ABCG2: variants seen among roughly 807,000 people sequenced by gnomAD.
ABCG2 encodes ATP binding cassette subfamily G member 2 (JR blood group), also known as broad substrate specificity ATP-binding cassette transporter ABCG2.
Under a neutral mutation model 73.5 loss-of-function variants are expected in ABCG2, and 80 were observed. The ratio of observed to expected loss-of-function variants is 1.09; its 90% CI spans 0.91 to 1.31. The LOEUF is 1.31. ABCG2 is among the 50% of genes most tolerant of loss of function. The pLI, the probability that ABCG2 is intolerant of heterozygous loss-of-function variation, is 0.00. For missense variants in ABCG2, 796 were observed against 786.2 expected (o/e 1.01, Z -0.15); for synonymous variants, 269 against 282.4 (o/e 0.95, Z 0.48).
intron 1 of ABCG2, among the ~76,000 whole-genome samples, chr4:88,151,718 G>A (rs918783054): frequency 4.1e-5 from 6 of 148,062 alleles, no homozygotes; most frequent in Admixed American, 6.8e-5. Flanking sequence ...CAGCCTGGGC[G>A]ACAGAGTGAG....
intron 10 of ABCG2, among the ~76,000 whole-genome samples, chr4:88,102,455 G>T (rs189925570): frequency 6.6e-6 from 1 of 152,044 alleles, no homozygotes; most frequent in East Asian, 1.9e-4. Flanking sequence ...AATTAGCTGG[G>T]CGTGGTGGCA....
intron 5 of ABCG2, among the ~76,000 whole-genome samples, chr4:88,128,267 AAAC>A (rs1724577662): frequency 6.6e-6 from 1 of 152,226 alleles, no homozygotes; most frequent in Non-Finnish European, 1.5e-5. Context: ...AAAAGTCAGG[AAAC>A]AACAGATGCT....
chr4:88,165,933 C>T (rs1202724764), intron 1 of ABCG2, among the ~76,000 whole-genome samples: 3 of 152,006 alleles, frequency 2.0e-5, no homozygotes, highest in African/African-American at 7.2e-5. Flanking sequence ...CATCTGGAAC[C>T]TTAATTCTCC....
intron 1 of ABCG2, 26 bp from the exon 2 acceptor site, chr4:88,140,040 T>C (rs1725522480): frequency 7.6e-6 from 12 of 1,580,464 alleles, no homozygotes; most frequent in Non-Finnish European, 1.0e-5. Flanking sequence ...CAATAGTAAG[T>C]TGATAGTCCA....
chr4:88,101,238 C>T lies in ABCG2; in HGVS notation c.1359G>A (p.Lys453=), dbSNP rs763655147. 7 of 1,613,998 alleles carry T rather than the reference C, an allele frequency of 4.3e-6. No individual in the cohort carries two copies. The highest frequency in any genetic ancestry group is 4.2e-6 in the Non-Finnish European group (5 of 1,180,006). ...AACAAAGACCTACTCACATGAAGAGCTTCTTCTCTACCACAAAGAGTTCCA... is the reference window on the plus strand; with the variant it reads ...AACAAAGACCTACTCACATGAAGAGTTTCTTCTCTACCACAAAGAGTTCCA... ...SAVELFVVEK[K]LFIHEYISGY... Residue 453 remains lysine (K), a synonymous_variant, in exon 11 of 16, where the codon AAG becomes AAA. Coordinates refer to ENST00000237612, the MANE Select transcript of ABCG2 (RefSeq NM_004827.3).
intron 1 of ABCG2, among the ~76,000 whole-genome samples, chr4:88,166,592 G>A (rs540281537): frequency 3.2e-4 from 49 of 152,238 alleles, no homozygotes; most frequent in African/African-American, 8.2e-4. Context: ...CATAGAGCTC[G>A]CACAGCAACA....
intron 1 of ABCG2, among the ~76,000 whole-genome samples, chr4:88,218,751 A>C (rs1018469482): frequency 6.6e-6 from 1 of 152,194 alleles, no homozygotes; most frequent in African/African-American, 2.4e-5. Flanking sequence ...CCCAATAAAC[A>C]TTTCTTGATT....
rs553715520 is a variant in ABCG2 at position 88,180,598 on chromosome 4, T to G, written c.-19-40584A>C. Among the ~76,000 whole-genome samples, 3 of 152,162 alleles carry G rather than the reference T, an allele frequency of 2.0e-5. No individual in the cohort carries two copies. The South Asian group carries it at 6.2e-4, about 32-fold the overall frequency. ...AAAAAAAATTTTAAATTTTTAAATT[T>G]TTTTATGGAAATGGTGGTGTGCACC... On this transcript the variant is annotated intron_variant, in intron 1 of 15. Transcript: ENST00000515655.
At chr4:88,128,222 A>G (rs1419124543) in intron 5 of ABCG2, among the ~76,000 whole-genome samples, 1 of 152,234 alleles carries the variant, frequency 6.6e-6, no homozygotes, top group Non-Finnish European at 1.5e-5. Flanking sequence ...CCACAATAAG[A>G]TACCATCTCA....
At chr4:88,128,992 C>T (rs893578073) in intron 5 of ABCG2, among the ~76,000 whole-genome samples, 8 of 152,136 alleles carry the variant, frequency 5.3e-5, no homozygotes, top group South Asian at 2.1e-4. Context: ...GTTTGAAGTT[C>T]AGAACACTAA....
intron 3 of ABCG2, among the ~76,000 whole-genome samples, chr4:88,132,248 T>C (rs1237780015): frequency 6.6e-6 from 1 of 152,184 alleles, no homozygotes; most frequent in African/African-American, 2.4e-5. Context: ...TGCTCTTTTA[T>C]CTAAGACTCA....
At chr4:88,212,832 G>A (rs1044732164) in intron 1 of ABCG2, among the ~76,000 whole-genome samples, 2 of 152,154 alleles carry the variant, frequency 1.3e-5, no homozygotes, top group Non-Finnish European at 2.9e-5. Flanking sequence ...CTCTGTGCCT[G>A]TACCCCTGCA....
intron 4 of ABCG2, among the ~76,000 whole-genome samples, chr4:88,131,554 G>C (rs1322822009): frequency 2.0e-5 from 3 of 152,202 alleles, no homozygotes. Context: ...AAGGATAACA[G>C]TAGTATGTAT....
At chr4:88,119,756 A>C (rs749193431) in intron 6 of ABCG2, among the ~76,000 whole-genome samples, 1 of 152,240 alleles carries the variant, frequency 6.6e-6, no homozygotes, top group Non-Finnish European at 1.5e-5. Flanking sequence ...GGGTGCTGTT[A>C]AAAGCATTCA....
intron 5 of ABCG2, among the ~76,000 whole-genome samples, chr4:88,124,321 C>G (rs2110027049): frequency 6.6e-6 from 1 of 152,198 alleles, no homozygotes; most frequent in East Asian, 1.9e-4. Context: ...CAATATTAAC[C>G]TGAAATGTAA....
At chr4:88,130,858 C>T (rs1451401886) in intron 5 of ABCG2, among the ~76,000 whole-genome samples, 1 of 152,188 alleles carries the variant, frequency 6.6e-6, no homozygotes, top group Non-Finnish European at 1.5e-5. Flanking sequence ...ACTTCAGGTG[C>T]AGAATTCAAC....
chr4:88,122,287 A>C (rs375752288), intron 5 of ABCG2, among the ~76,000 whole-genome samples: 38 of 151,816 alleles, frequency 2.5e-4, no homozygotes, highest in African/African-American at 9.2e-4. Flanking sequence ...TTCATACCCC[A>C]GTGGTGCCTG....
At position 88,198,053 on chromosome 4, in the gene ABCG2, G is replaced by A. The variant is rs1012110620; in HGVS notation, c.-20+32941C>T. Among the ~76,000 whole-genome samples, 7 of 129,812 alleles carry A rather than the reference G, an allele frequency of 5.4e-5. No individual in the cohort carries two copies. In the East Asian group the frequency reaches 1.6e-3, roughly 30 times the overall value. 85.2% of individuals were successfully genotyped at this position (129,812 alleles called of 152,430 possible). A position where few individuals can be genotyped will look rare whatever the true frequency, so the allele number is the denominator to read the frequency against. On this transcript the variant is annotated intron_variant, in intron 1 of 15. Coordinates refer to the ABCG2 transcript ENST00000515655. ...CAAAAAAAAAAAAAAAAAATCGTTT[G>A]TTTCCAGCTGGGCATGGTGGCTCAT...
rs199691084 is a variant in ABCG2 at position 88,095,517 on chromosome 4, T to C, written c.1737+3A>G. The C allele has an allele frequency of 4.2e-5, 67 of 1,610,632 alleles. No individual in the cohort carries two copies. Among genetic ancestry groups the C allele is most frequent in the Non-Finnish European group, 5.0e-5 (59 of 1,177,110 alleles). Reference sequence around the variant, plus strand: ...GTCACAGTGACAGACAAGGAAGACATACCGTAAATCCATATCGTGGAATGC... The same window carrying C: ...GTCACAGTGACAGACAAGGAAGACACACCGTAAATCCATATCGTGGAATGC... On this transcript the variant is annotated splice_donor_region_variant and intron_variant, in intron 14 of 15. Coordinates refer to ENST00000237612, the MANE Select transcript of ABCG2 (RefSeq NM_004827.3).
Sources: allele counts gnomAD v4.1 joint callset (sites outside exome capture counted in the v4.1 genomes callset), GRCh38; gene constraint gnomAD v4.1.1; transcripts MANE v1.5; gene names NCBI Gene and HGNC (gene_info 2026-07-23, HGNC 2026-07-21).